Variants in TRPM4 observed in about 807,000 individuals in gnomAD.
TRPM4 encodes transient receptor potential cation channel subfamily M member 4, also known as calcium-activated non-selective cation channel 1.
A neutral mutation model predicts 135.6 loss-of-function variants in TRPM4; 124 were observed. The ratio of observed to expected loss-of-function variants is 0.91; its 90% CI spans 0.79 to 1.06. The LOEUF is 1.06. Among genes scored for constraint, TRPM4 ranks in the 50% least tolerant of loss-of-function variants. The pLI, the probability that TRPM4 is intolerant of heterozygous loss-of-function variation, is 0.00. For missense variants in TRPM4, 1,658 were observed against 1,671.4 expected (o/e 0.99, Z 0.14); for synonymous variants, 745 against 705.6 (o/e 1.06, Z -0.88).
intron 17 of TRPM4, among the ~76,000 whole-genome samples, chr19:49,197,590 G>A (rs2145959422): frequency 6.6e-6 from 1 of 150,682 alleles, no homozygotes; most frequent in Admixed American, 6.6e-5. Flanking sequence ...CCTGCATTAG[G>A]ATACTCCTCC....
At chr19:49,189,245 G>T (rs971635865) in intron 14 of TRPM4, among the ~76,000 whole-genome samples, 154 bp downstream of exon 14, 1 of 152,200 alleles carries the variant, frequency 6.6e-6, no homozygotes, top group Admixed American at 6.5e-5. Context: ...CAGAAAGGCT[G>T]CTCTTCCCAT....
chr19:49,192,362 C>T (rs1968443952), intron 16 of TRPM4, among the ~76,000 whole-genome samples: 1 of 152,068 alleles, frequency 6.6e-6, no homozygotes, highest in South Asian at 2.1e-4. Context: ...CCAGGATGCT[C>T]CCCATCTCCT....
intron 20 of TRPM4, among the ~76,000 whole-genome samples, chr19:49,202,914 G>T (rs1208402343): frequency 8.2e-6 from 1 of 122,288 alleles, no homozygotes; most frequent in African/African-American, 3.4e-5. Flanking sequence ...ACGGAGTCTC[G>T]CTGTGTCACC....
Position 49,210,318 on chromosome 19 carries a change from G to A in TRPM4, c.3241G>A (p.Val1081Ile). Residue 1081 changes from valine (V) to isoleucine (I), a missense_variant, in exon 21 of 25, where the codon GTC becomes ATC. By Grantham distance (29) the Val-to-Ile change is conservative. Around this residue, in one of 3 missense-constraint regions of TRPM4, gnomAD observed 1,412 missense variants for 1,408.7 expected, o/e 1.00. Transcript: ENST00000252826. This position sits in a 1 kb window ranked among gnomAD's most constrained non-coding sequence, Gnocchi z 4.1. The part of the protein sequence containing the change: ...SRPALAPPFI[V>I]ISHLRLLLRQ... ...GCCCGCGCTGGCCCCGCCCTTTATC[G>A]TCATCTCCCACTTGCGCCTCCTGCT... The A allele has an allele frequency of 1.2e-6, 2 of 1,614,176 alleles. No individual in the cohort carries two copies. Among genetic ancestry groups the A allele is most frequent in the Non-Finnish European group, 8.5e-7 (1 of 1,180,038 alleles).
At chr19:49,160,532 G>A (rs12979689) in intron 2 of TRPM4, among the ~76,000 whole-genome samples, 28,204 of 151,492 alleles carry the variant, frequency 0.19, 3,343 homozygotes, top group South Asian at 0.32. Context: ...GATTTGAACA[G>A]CATGTGCAAA....
intron 2 of TRPM4, 80 bp from the exon 3 acceptor site, chr19:49,165,961 C>T (rs1042956027): frequency 2.1e-6 from 3 of 1,424,678 alleles, no homozygotes; most frequent in Non-Finnish European, 2.9e-6. Context: ...ACAGCCCCCT[C>T]TACAGGAGCA....
chr19:49,182,146 ATCCATTCATCTG>A (rs1568470415), intron 10 of TRPM4, among the ~76,000 whole-genome samples: 55 of 148,438 alleles, frequency 3.7e-4, no homozygotes, highest in South Asian at 1.7e-3. Flanking sequence ...TCATCCATCC[ATCCATTCATCTG>A]TCCATCCATC....
rs573634306 is a variant in TRPM4, at chr19:49,210,481, C to G, written c.3328+76C>G. ...TGGAAGGCGAGGGGAAGGGGGCATGCCCCAAATGACTAACGGGCGTGGCTT... is the reference window on the plus strand; with the variant it reads ...TGGAAGGCGAGGGGAAGGGGGCATGGCCCAAATGACTAACGGGCGTGGCTT... On this transcript the variant is annotated intron_variant, in intron 21 of 24. Transcript: ENST00000252826. This position sits in a 1 kb window ranked among gnomAD's most constrained non-coding sequence, Gnocchi z 4.1. The G allele has an allele frequency of 1.4e-5, 22 of 1,543,306 alleles. No homozygotes were observed. The East Asian group carries it at 4.3e-4, about 30-fold the overall frequency.
chr19:49,203,084 A>G (rs566637154), intron 20 of TRPM4, among the ~76,000 whole-genome samples: 93 of 150,104 alleles, frequency 6.2e-4, no homozygotes, highest in African/African-American at 1.9e-3. Flanking sequence ...GTAGAGACGG[A>G]GTTTCACCGT....
chr19:49,192,246 G>A (rs1339792655), intron 16 of TRPM4, among the ~76,000 whole-genome samples: 2 of 152,130 alleles, frequency 1.3e-5, no homozygotes, highest in Non-Finnish European at 2.9e-5. Flanking sequence ...GAGTTCAAGC[G>A]ATTCTCCTGC....
At chr19:49,161,321 C>CCTTTTT (rs1568453064) in intron 2 of TRPM4, among the ~76,000 whole-genome samples, 2 of 108,966 alleles carry the variant, frequency 1.8e-5, no homozygotes, top group African/African-American at 3.2e-5. Context: ...CTGTCTCTCT[C>CCTTTTT]TCTTTTTTTT....
intron 2 of TRPM4, among the ~76,000 whole-genome samples, chr19:49,164,905 TTTTA>T (rs964654070): frequency 1.3e-5 from 2 of 148,256 alleles, no homozygotes; most frequent in South Asian, 2.1e-4. Flanking sequence ...TTTTATTTTA[TTTTA>T]TTTATTTATT....
At chr19:49,205,526 CTTTTTTTTT>C (rs576873516) in intron 20 of TRPM4, among the ~76,000 whole-genome samples, 1 of 126,948 alleles carries the variant, frequency 7.9e-6, no homozygotes, top group Non-Finnish European at 1.7e-5. Flanking sequence ...ATGACTTCAA[CTTTTTTTTT>C]TTTTTTTTTT....
chr19:49,163,721 C>T (rs1967059071), intron 2 of TRPM4, among the ~76,000 whole-genome samples: 1 of 152,140 alleles, frequency 6.6e-6, no homozygotes, highest in African/African-American at 2.4e-5. Flanking sequence ...TCTCAAACTC[C>T]TGGGCTCAAG....
At chr19:49,181,194 T>C (rs774787124) in intron 9 of TRPM4, among the ~76,000 whole-genome samples, 155 bp from the exon 10 acceptor site, 1 of 152,310 alleles carries the variant, frequency 6.6e-6, no homozygotes, top group Non-Finnish European at 1.5e-5. Context: ...ATGCCTATGA[T>C]AGCCTGACTG....
At chr19:49,197,851 T>C (rs552637395) in intron 17 of TRPM4, among the ~76,000 whole-genome samples, 1 of 151,314 alleles carries the variant, frequency 6.6e-6, no homozygotes, top group African/African-American at 2.4e-5. Flanking sequence ...CCTAGCTAAA[T>C]TTTTTTTGTA....
intron 16 of TRPM4, among the ~76,000 whole-genome samples, chr19:49,195,714 C>G (rs1273748431): frequency 1.4e-5 from 2 of 144,794 alleles, no homozygotes; most frequent in Non-Finnish European, 3.0e-5. Flanking sequence ...GACAGGGTCT[C>G]GCTCTATTGC....
rs747620725 is a variant in TRPM4 at position 49,211,229 on chromosome 19, C to A, written c.3600C>A (p.Pro1200=). The change falls in exon 24 of 25, where the codon CCC becomes CCA. Residue 1200 remains proline (P), a synonymous_variant. Transcript: ENST00000252826. The surrounding 1 kb of genome is among the most constrained non-coding windows in gnomAD (Gnocchi z 4.8). Reference sequence around the variant, plus strand: ...CCCTGAGCCGCTCTGCCTTGCTGCCCCCAGGTGGGCCGCCACCCCCTGACC... The same window carrying A: ...CCCTGAGCCGCTCTGCCTTGCTGCCACCAGGTGGGCCGCCACCCCCTGACC... ...AEALSRSALL[P]PGGPPPPDLP... is the part of the protein sequence containing the mutation. 1.9e-6 allele frequency: 3 copies of A among 1,592,596 alleles called. No homozygotes were observed. Among genetic ancestry groups the A allele is most frequent in the East Asian group, 2.3e-5 (1 of 43,922 alleles).
In TRPM4 at chr19:49,188,736, A is replaced by G; in HGVS notation, c.1839A>G (p.Lys613=). ...ACGCTGAGGAGGCAGCACGGAGGAA[A>G]GACCTGGCGTTCAAGTTTGAGGGGA... ...EPDAEEAARR[K]DLAFKFEGMG... is the part of the protein sequence containing the mutation. Residue 613 remains lysine, a synonymous_variant, in exon 13 of 25, where the codon AAA becomes AAG. Transcript: ENST00000252826. 6.2e-7 allele frequency: 1 copy of G among 1,614,218 alleles called. No individual in the cohort carries two copies. Among genetic ancestry groups the G allele is most frequent in the South Asian group, 1.1e-5 (1 of 91,086 alleles).
Sources: gnomAD v4.1 joint callset for allele counts (sites outside exome capture counted in the v4.1 genomes callset) on GRCh38, gnomAD v4.1.1 for gene constraint, gnomAD v4.1.1 regional missense constraint, Gnocchi (gnomAD v3.1) non-coding constraint, MANE v1.5 for transcripts, NCBI Gene and HGNC (gene_info 2026-07-23, HGNC 2026-07-21) for gene names.